Variants in ARHGEF38 observed in about 807,000 individuals in gnomAD.
ARHGEF38 encodes Rho guanine nucleotide exchange factor 38.
A neutral mutation model predicts 79.9 loss-of-function variants in ARHGEF38; 79 were observed. The ratio of observed to expected loss-of-function variants is 0.99; its 90% CI spans 0.82 to 1.19. The LOEUF (loss-of-function observed/expected upper bound fraction) is 1.19, where lower values mean the gene tolerates loss of function less well. Among genes scored for constraint, ARHGEF38 ranks in the 50% most tolerant of loss-of-function variants. The pLI, the probability that ARHGEF38 is intolerant of heterozygous loss-of-function variation, is 0.00. For synonymous variants in ARHGEF38, 366 were observed against 328.3 expected (o/e 1.11, Z -1.24); for missense variants, 962 against 907.2 (o/e 1.06, Z -0.78).
intron 5 of ARHGEF38, among the ~76,000 whole-genome samples, chr4:105,640,756 T>G (rs1173061615): frequency 6.6e-6 from 1 of 152,210 alleles, no homozygotes; most frequent in Non-Finnish European, 1.5e-5. Context: ...TGCTATCGAA[T>G]TCTAAATTGG....
chr4:105,639,106 TTGTAA>T (rs953516994), intron 5 of ARHGEF38, among the ~76,000 whole-genome samples: 2 of 152,056 alleles, frequency 1.3e-5, no homozygotes, highest in Admixed American at 1.3e-4. Context: ...TCTTTATAAC[TTGTAA>T]TGTATAGGCC....
At chr4:105,599,737 GA>G (rs1474576713) in intron 2 of ARHGEF38, among the ~76,000 whole-genome samples, 1 of 152,154 alleles carries the variant, frequency 6.6e-6, no homozygotes, top group Non-Finnish European at 1.5e-5. Flanking sequence ...GGCCAGAAAG[GA>G]AGCAGATATT....
chr4:105,659,400 G>T, intron 10 of ARHGEF38, 35 bp downstream of exon 10: 1 of 1,510,554 alleles, frequency 6.6e-7, no homozygotes, highest in South Asian at 1.3e-5. Flanking sequence ...TAGCTACCTT[G>T]GCCTACTGGA....
chr4:105,631,831 A>T (rs952758620), intron 4 of ARHGEF38, among the ~76,000 whole-genome samples: 3 of 152,232 alleles, frequency 2.0e-5, no homozygotes, highest in African/African-American at 7.2e-5. Context: ...AGCCAAAATC[A>T]CTACCATACT....
At position 105,663,870 on chromosome 4, in the gene ARHGEF38, T is replaced by C. The variant is rs189110150; in HGVS notation, c.1546-2307T>C. Among the ~76,000 whole-genome samples the C allele has an allele frequency of 4.3e-4, 66 of 151,800 alleles. No individual in the cohort carries two copies. The East Asian group carries it at 6.2e-3, about 14-fold the overall frequency. On this transcript the variant is annotated intron_variant, in intron 10 of 13. Coordinates refer to ENST00000420470, the MANE Select transcript of ARHGEF38 (RefSeq NM_001242729.2). Reference sequence around the variant, plus strand: ...CTGTAATCCCAGCTACTCGGGAGGCTGAGGCTGGAGGATCACCTGAATCTG... The same window carrying C: ...CTGTAATCCCAGCTACTCGGGAGGCCGAGGCTGGAGGATCACCTGAATCTG...
At chr4:105,630,715 A>T (rs1319019850) in intron 3 of ARHGEF38, among the ~76,000 whole-genome samples, 183 bp from the exon 4 acceptor site, 1 of 152,232 alleles carries the variant, frequency 6.6e-6, no homozygotes, top group East Asian at 1.9e-4. Context: ...AAGCAGGGAG[A>T]GAAGGAAAAA....
chr4:105,564,553 T>A (rs1725794926), intron 1 of ARHGEF38, among the ~76,000 whole-genome samples: 2 of 152,148 alleles, frequency 1.3e-5, no homozygotes, highest in Admixed American at 6.6e-5. Context: ...GATGAAAAAG[T>A]TGTAATGATT....
At position 105,564,397 on chromosome 4, in the gene ARHGEF38, T is replaced by C. The variant is rs145557276; in HGVS notation, c.196+11436T>C. 2.7e-3 allele frequency among the ~76,000 whole-genome samples: 408 copies of C among 152,198 alleles called. 3 individuals carry two copies. Among genetic ancestry groups the C allele is most frequent in the African/African-American group, 9.4e-3 (392 of 41,538 alleles). On this transcript the variant is annotated intron_variant, in intron 1 of 13. Coordinates refer to ENST00000420470, the MANE Select transcript of ARHGEF38 (RefSeq NM_001242729.2). Reference sequence around the variant, plus strand: ...TATTGTGCTAACTAAAATAAGCTAGTCACAAAAGGACAAACGCTATATGAT... The same window carrying C: ...TATTGTGCTAACTAAAATAAGCTAGCCACAAAAGGACAAACGCTATATGAT...
intron 2 of ARHGEF38, among the ~76,000 whole-genome samples, chr4:105,595,303 A>G (rs930545607): frequency 1.3e-5 from 2 of 152,122 alleles, no homozygotes; most frequent in Non-Finnish European, 2.9e-5. Context: ...TTTATTTTGA[A>G]TTTACTCATA....
At chr4:105,576,011 C>T (rs1284109224) in intron 1 of ARHGEF38, among the ~76,000 whole-genome samples, 3 of 152,150 alleles carry the variant, frequency 2.0e-5, no homozygotes, top group South Asian at 2.1e-4. Flanking sequence ...AGTCTATCTG[C>T]CTCCTTTTGA....
At chr4:105,577,750 T>C (rs2110434368) in intron 1 of ARHGEF38, among the ~76,000 whole-genome samples, 1 of 152,286 alleles carries the variant, frequency 6.6e-6, no homozygotes, top group Non-Finnish European at 1.5e-5. Context: ...TGATCATTTT[T>C]TATTTCTGTG....
At chr4:105,577,099 A>ATTTTTTTTTACTTTCTTTCTTTAAT (rs58789848) in intron 1 of ARHGEF38, among the ~76,000 whole-genome samples, 1 of 150,888 alleles carries the variant, frequency 6.6e-6, no homozygotes, top group Non-Finnish European at 1.5e-5. Flanking sequence ...TCTTTCTTTA[A>ATTTTTTTTTACTTTCTTTCTTTAAT]TTTTTTTTAT....
Position 105,659,175 on chromosome 4 carries a change from A to G in ARHGEF38, c.1355A>G (p.Gln452Arg), listed in dbSNP as rs1730460196. 15 of 1,536,086 alleles carry G rather than the reference A, an allele frequency of 9.8e-6. No individual in the cohort carries two copies. The highest frequency in any genetic ancestry group is 1.3e-5 in the Non-Finnish European group (15 of 1,146,890). ...CTGCTGGATTGCAACAGCTACCTGC[A>G]GCGATCAACGGGAGAGGAGTCAGAC... ...DKLLDCNSYL[Q>R]RSTGEESDLA... Residue 452 changes from glutamine (Q) to arginine (R), a missense_variant, in exon 10 of 14, where the codon CAG (glutamine) becomes CGG (arginine). By Grantham distance (43) the Gln-to-Arg change is conservative. Coordinates refer to ENST00000420470, the MANE Select transcript of ARHGEF38 (RefSeq NM_001242729.2).
chr4:105,657,180 T>C (rs1340536231), intron 9 of ARHGEF38, among the ~76,000 whole-genome samples: 1 of 152,200 alleles, frequency 6.6e-6, no homozygotes, highest in African/African-American at 2.4e-5. Flanking sequence ...AAAGGTTTGC[T>C]CTTTAGCTTA....
chr4:105,606,363 T>C (rs1295393043), intron 2 of ARHGEF38, among the ~76,000 whole-genome samples: 1 of 152,102 alleles, frequency 6.6e-6, no homozygotes, highest in African/African-American at 2.4e-5. Context: ...GTATTAAATA[T>C]ATATGTCATG....
At chr4:105,567,462 C>A (rs532512151) in intron 1 of ARHGEF38, among the ~76,000 whole-genome samples, 1 of 152,222 alleles carries the variant, frequency 6.6e-6, no homozygotes, top group South Asian at 2.1e-4. Context: ...ATGTAAGTTT[C>A]GTTAAAGTAA....
intron 3 of ARHGEF38, among the ~76,000 whole-genome samples, chr4:105,623,579 A>G (rs781555534): frequency 2.5e-4 from 38 of 152,226 alleles, no homozygotes; most frequent in Non-Finnish European, 5.0e-4. Flanking sequence ...TTAAGATGTC[A>G]GTTGTTAAAG....
chr4:105,627,197 G>T (rs893501690), intron 3 of ARHGEF38, among the ~76,000 whole-genome samples: 5 of 152,076 alleles, frequency 3.3e-5, no homozygotes, highest in Admixed American at 2.6e-4. Context: ...TTCAAAAAGG[G>T]ATGAACTAAG....
chr4:105,669,393 A>C (rs1730882577), intron 13 of ARHGEF38, among the ~76,000 whole-genome samples: 1 of 152,200 alleles, frequency 6.6e-6, no homozygotes, highest in African/African-American at 2.4e-5. Context: ...GGGCTTGTCC[A>C]TCTATTTTTG....
Sources: allele counts gnomAD v4.1 joint callset (sites outside exome capture counted in the v4.1 genomes callset), GRCh38; gene constraint gnomAD v4.1.1; transcripts MANE v1.5; gene names NCBI Gene and HGNC (gene_info 2026-07-23, HGNC 2026-07-21).